COL4A4: variants seen among roughly 807,000 people sequenced by gnomAD.
COL4A4 encodes the protein collagen type IV alpha 4 chain.
In COL4A4, 105 loss-of-function variants were observed where a neutral mutation model predicts 192.9. The observed-to-expected ratio is 0.54, with a 90% CI of 0.46 to 0.64. The LOEUF (loss-of-function observed/expected upper bound fraction) is 0.64, where lower values mean the gene tolerates loss of function less well. Ranked by LOEUF, COL4A4 falls within the 30% of genes least tolerant of loss-of-function variation. COL4A4 has a pLI of 0.00. For missense variants in COL4A4, 1,967 were observed against 2,169.3 expected, an observed-to-expected ratio of 0.91 and a Z score of 1.85; for synonymous variants, 762 against 769.9, an observed-to-expected ratio of 0.99 and a Z score of 0.17.
Position 227,047,391 on chromosome 2 carries a change from G to A in COL4A4, c.3289+84C>T, listed in dbSNP as rs138650816. 515 of 969,284 alleles carry A rather than the reference G, an allele frequency of 5.3e-4. 11 individuals are homozygous for A. In the East Asian group the frequency reaches 0.012, roughly 23 times the overall value. 60.0% of individuals were successfully genotyped at this position (969,284 alleles called of 1,614,324 possible). ...CAAAGGGGTAAGAAAATATTGATAC[G>A]ATCATTGCCAGCTAGAAGTAATTGT... On this transcript the variant is annotated intron_variant, in intron 35 of 47. Coordinates refer to ENST00000396625, the MANE Select transcript of COL4A4 (RefSeq NM_000092.5).
At chr2:227,141,090 C>T (rs2063177446) in intron 3 of COL4A4, among the ~76,000 whole-genome samples, 1 of 152,210 alleles carries the variant, frequency 6.6e-6, no homozygotes, top group Non-Finnish European at 1.5e-5. Flanking sequence ...ACTGAGCGTG[C>T]ATTCCCAGGC....
intron 1 of COL4A4, among the ~76,000 whole-genome samples, chr2:227,163,491 C>T (rs2065021784): frequency 6.6e-6 from 1 of 152,206 alleles, no homozygotes; most frequent in African/African-American, 2.4e-5. Flanking sequence ...GTATTTTATG[C>T]ATTTCACAAC....
At chr2:227,067,342 G>A (rs1179180615) in intron 25 of COL4A4, among the ~76,000 whole-genome samples, 35 of 152,224 alleles carry the variant, frequency 2.3e-4, no homozygotes, top group Non-Finnish European at 1.5e-5. Flanking sequence ...CACAGGAATT[G>A]AACTCAGCTC....
chr2:227,017,623 G>A (rs1965174410), intron 44 of COL4A4, among the ~76,000 whole-genome samples: 1 of 152,202 alleles, frequency 6.6e-6, no homozygotes, highest in African/African-American at 2.4e-5. Context: ...AAAGAGATCT[G>A]TGTGTAGAAG....
intron 25 of COL4A4, among the ~76,000 whole-genome samples, chr2:227,077,500 CA>C (rs2059091644): frequency 6.6e-6 from 1 of 151,860 alleles, no homozygotes; most frequent in African/African-American, 2.4e-5. Context: ...GTCAGGGGGT[CA>C]GGGGTAAGGG....
chr2:226,988,432 C>G, the COL4A4 span: 4 of 1,550,254 alleles, frequency 2.6e-6, no homozygotes, highest in South Asian at 2.4e-5. Flanking sequence ...TGAAGCAGGC[C>G]GCAGTTTGGA....
At chr2:227,070,035 C>G (rs1220665497) in intron 25 of COL4A4, among the ~76,000 whole-genome samples, 3 of 150,572 alleles carry the variant, frequency 2.0e-5, no homozygotes, top group African/African-American at 7.3e-5. Flanking sequence ...AAAAAACAAA[C>G]AACCCCATCA....
chr2:227,015,122 A>C (rs1264380445), intron 44 of COL4A4, among the ~76,000 whole-genome samples: 1 of 152,022 alleles, frequency 6.6e-6, no homozygotes, highest in Non-Finnish European at 1.5e-5. Context: ...GCTGGTCTCA[A>C]ACTGCTGACC....
chr2:227,076,549 C>T (rs920590899), intron 25 of COL4A4, among the ~76,000 whole-genome samples: 9 of 152,044 alleles, frequency 5.9e-5, no homozygotes, highest in African/African-American at 1.2e-4. Flanking sequence ...AGAAGAAAAC[C>T]TAGGCAATAT....
intron 27 of COL4A4, 148 bp from the exon 28 acceptor site, chr2:227,059,771 G>C (rs1424355439): frequency 1.4e-6 from 1 of 708,640 alleles, no homozygotes; most frequent in Non-Finnish European, 2.4e-6. Context: ...ATGTTGTTTT[G>C]CCACCTTTTG....
chr2:227,150,447 C>A (rs1251666911), intron 1 of COL4A4, among the ~76,000 whole-genome samples: 2 of 152,126 alleles, frequency 1.3e-5, no homozygotes, highest in Non-Finnish European at 2.9e-5. Context: ...GACACTCCAG[C>A]TTAGCTACCT....
intron 22 of COL4A4, among the ~76,000 whole-genome samples, chr2:227,085,607 A>G (rs2059560102): frequency 6.6e-6 from 1 of 152,198 alleles, no homozygotes; most frequent in South Asian, 2.1e-4. Context: ...GTGAAGTGGG[A>G]AGCCAGTGTA....
chr2:227,047,528 C>A lies in COL4A4; in HGVS notation c.3236G>T (p.Ser1079Ile). 6.2e-7 allele frequency: 1 copy of A among 1,613,686 alleles called. No homozygotes were observed. The highest frequency in any genetic ancestry group is 1.1e-5 in the South Asian group (1 of 91,054). ...CTTTGGACCAGGTGGACCAAAGTGACTGGCAGGGTCACCTTTGTTTCCTGA... is the reference window on the plus strand; with the variant it reads ...CTTTGGACCAGGTGGACCAAAGTGAATGGCAGGGTCACCTTTGTTTCCTGA... ...GPKGNKGDPA[S>I]HFGPPGPKGE... The change falls in exon 35 of 48, where the codon AGT (serine) becomes ATT (isoleucine). Residue 1079 changes from serine to isoleucine, a missense_variant. Coordinates refer to ENST00000396625, the MANE Select transcript of COL4A4 (RefSeq NM_000092.5).
rs2059125599 is a variant in COL4A4 at position 227,078,005 on chromosome 2, G to T, written c.1876C>A (p.Pro626Thr). ...AATCCCAGTCCTGGGGGCCCCACAG[G>T]TCCTGCTTTGCCTGGGGGGCCCAGA... is the stretch of plus-strand genomic sequence containing the variant. ...GPLGPPGKAG[P>T]VGPPGLGFPG... is the part of the protein sequence containing the mutation. Residue 626 changes from proline (P) to threonine (T), a missense_variant, in exon 25 of 48, where the codon CCT (proline) becomes ACT (threonine). By Grantham distance (38) the Pro-to-Thr change is conservative. Coordinates refer to ENST00000396625, the MANE Select transcript of COL4A4 (RefSeq NM_000092.5). 6.2e-7 allele frequency: 1 copy of T among 1,613,876 alleles called. No individual in the cohort carries two copies. The highest frequency in any genetic ancestry group is 1.1e-5 in the South Asian group (1 of 91,082).
Position 227,094,208 on chromosome 2 carries a change from T to A in COL4A4, c.1286A>T (p.Asp429Val). Residue 429 changes from aspartate (D) to valine (V), a missense_variant, in exon 20 of 48, where the codon GAT becomes GTT. Coordinates refer to ENST00000396625, the MANE Select transcript of COL4A4 (RefSeq NM_000092.5). ...CTTCCCTGGTTTTCCTGGAGCAGAA[T>A]CAGGTCTCCCAGGAATACCAGCTTC... ...PGEAGIPGRPDSAPGKPGKPG... is the reference protein window; with the variant it reads ...PGEAGIPGRPVSAPGKPGKPG... 6.2e-7 allele frequency: 1 copy of A among 1,613,764 alleles called. No individual in the cohort carries two copies. Among genetic ancestry groups the A allele is most frequent in the Non-Finnish European group, 8.5e-7 (1 of 1,179,878 alleles).
chr2:227,008,184 G>C lies in COL4A4; in HGVS notation c.4643C>G (p.Pro1548Arg). ...DRSYWLASAA[P>R]LPMMPLSEEA... ...TTCAGAGAGTGGCATCATGGGGAGG[G>C]GCGCAGCGCTGGCCAGCCAGTAGGA... The change falls in exon 47 of 48, where the codon CCC becomes CGC. Residue 1548 changes from proline to arginine, a missense_variant. Coordinates refer to ENST00000396625, the MANE Select transcript of COL4A4 (RefSeq NM_000092.5). 1 of 1,614,166 alleles carries C rather than the reference G, an allele frequency of 6.2e-7. No homozygotes were observed. The highest frequency in any genetic ancestry group is 8.5e-7 in the Non-Finnish European group (1 of 1,179,976).
At chr2:227,001,931 G>A (rs1331206354), downstream of COL4A4, among the ~76,000 whole-genome samples, 1 of 152,202 alleles carries the variant, frequency 6.6e-6, no homozygotes, top group Non-Finnish European at 1.5e-5. Context: ...CCAATGCTTT[G>A]GAAGGCTGAG....
rs752646263 is a variant in COL4A4, at chr2:227,051,171, G to A, written c.2969-13C>T. 16 of 1,613,908 alleles carry A rather than the reference G, an allele frequency of 9.9e-6. No homozygotes were observed. The highest frequency in any genetic ancestry group is 1.4e-5 in the Non-Finnish European group (16 of 1,179,908). Reference sequence around the variant, plus strand: ...GTTCCTTTATCACCTGATGAAGTTGGAAGTGTTACAGGTCTCTGCTGAAAT... The same window carrying A: ...GTTCCTTTATCACCTGATGAAGTTGAAAGTGTTACAGGTCTCTGCTGAAAT... On this transcript the variant is annotated splice_polypyrimidine_tract_variant and intron_variant, in intron 32 of 47. Coordinates refer to ENST00000396625, the MANE Select transcript of COL4A4 (RefSeq NM_000092.5).
chr2:227,084,275 A>T (rs1293452899), intron 22 of COL4A4, among the ~76,000 whole-genome samples: 2 of 152,242 alleles, frequency 1.3e-5, no homozygotes, highest in African/African-American at 4.8e-5. Flanking sequence ...TCTGAAGAAT[A>T]AATTATCAGG....
Sources: gnomAD v4.1 joint callset for allele counts (sites outside exome capture counted in the v4.1 genomes callset) on GRCh38, gnomAD v4.1.1 for gene constraint, MANE v1.5 for transcripts, NCBI Gene and HGNC (gene_info 2026-07-23, HGNC 2026-07-21) for gene names.